MUC17: variants seen among roughly 807,000 people sequenced by gnomAD.
MUC17 encodes mucin-17.
MUC17 carries 190 observed loss-of-function variants against 170.3 expected under a neutral mutation model. That is an observed-to-expected ratio of 1.12 (90% CI 0.99 to 1.26). The LOEUF (loss-of-function observed/expected upper bound fraction) is 1.26. Among genes scored for constraint, MUC17 ranks in the 50% most tolerant of loss-of-function variants. MUC17 has a pLI of 0.00. For missense variants in MUC17, 6,415 were observed against 5,530.0 expected, an observed-to-expected ratio of 1.16 and a Z score of -5.08; for synonymous variants, 2,325 against 2,002.5, an observed-to-expected ratio of 1.16 and a Z score of -4.30.
chr7:101,036,816 C>T lies in MUC17; in HGVS notation c.5400C>T (p.Thr1800=), dbSNP rs1172233197. The T allele has an allele frequency of 6.2e-6, 10 of 1,605,516 alleles. No homozygotes were observed. The East Asian group carries it at 9.0e-5, about 14-fold the overall frequency. ...PTTAEGTSIP[T]STLSEGMTPL... ...CTGCTGAAGGTACCAGCATACCAACCTCGACTCTTAGTGAAGGAATGACTC... is the reference window on the plus strand; with the variant it reads ...CTGCTGAAGGTACCAGCATACCAACTTCGACTCTTAGTGAAGGAATGACTC... The change falls in exon 3 of 13, where the codon ACC becomes ACT. Residue 1800 remains threonine, a synonymous_variant. Transcript: ENST00000306151.
At position 101,058,293 on chromosome 7, in the gene MUC17, C is replaced by T. The variant is rs1389806079; in HGVS notation, c.*249C>T. ...GGCTTTCCTGCTCATTTTTCAAAGA[C>T]GCTCCAGATTTGAGGGTACTCTGAC... On this transcript the variant is annotated 3_prime_UTR_variant, in exon 13 of 13. Transcript: ENST00000306151. 3.1e-5 allele frequency: 11 copies of T among 352,420 alleles called. No homozygotes were observed. The highest frequency in any genetic ancestry group is 1.5e-4 in the South Asian group (2 of 12,940). 21.8% of individuals were successfully genotyped at this position (352,420 alleles called of 1,614,324 possible).
chr7:101,039,510 T>C lies in MUC17; in HGVS notation c.8094T>C (p.Leu2698=), dbSNP rs767894004. The change falls in exon 3 of 13, where the codon CTT becomes CTC. Residue 2698 remains leucine, a synonymous_variant. Coordinates refer to ENST00000306151, the MANE Select transcript of MUC17 (RefSeq NM_001040105.2). ...GAAGCACTCCATTAACAAATATACT[T>C]GTCAGCACCACGCTGTTGGCCAATT... is the stretch of plus-strand genomic sequence containing the variant. ...GERSTPLTNI[L]VSTTLLANSE... 40 of 1,610,596 alleles carry C rather than the reference T, an allele frequency of 2.5e-5. No individual in the cohort carries two copies. Among genetic ancestry groups the C allele is most frequent in the Non-Finnish European group, 3.1e-5 (36 of 1,178,528 alleles).
rs1562806956 is a variant in MUC17, at chr7:101,034,691, C to T, written c.3275C>T (p.Pro1092Leu). 2 of 1,606,826 alleles carry T rather than the reference C, an allele frequency of 1.2e-6. No homozygotes were observed. Among genetic ancestry groups the T allele is most frequent in the Admixed American group, 1.7e-5 (1 of 59,522 alleles). The change falls in exon 3 of 13, where the codon CCA becomes CTA. Residue 1092 changes from proline (P) to leucine (L), a missense_variant. Transcript: ENST00000306151. ...ACAACTGCTGACGGTACCAGCATGCCAACCTCAACTTATAGTGAAGGAAGC... is the reference window on the plus strand; with the variant it reads ...ACAACTGCTGACGGTACCAGCATGCTAACCTCAACTTATAGTGAAGGAAGC... Reference protein sequence around the residue: ...SSTTADGTSMPTSTYSEGSTP... With the variant: ...SSTTADGTSMLTSTYSEGSTP...
In MUC17 at chr7:101,040,659, T is replaced by C. The variant is rs752643393; in HGVS notation, c.9243T>C (p.Thr3081=). ...VDSNSPVVTS[T]EVSSSPTPAE... ...CCAACAGTCCTGTGGTCACTTCTAC[T>C]GAAGTCAGTTCATCTCCTACACCTG... is the stretch of plus-strand genomic sequence containing the variant. The change falls in exon 3 of 13, where the codon ACT becomes ACC. Residue 3081 remains threonine, a synonymous_variant. Transcript: ENST00000306151. 6.2e-7 allele frequency: 1 copy of C among 1,612,852 alleles called. No homozygotes were observed. The highest frequency in any genetic ancestry group is 8.5e-7 in the Non-Finnish European group (1 of 1,179,452).
At position 101,020,218 on chromosome 7, in the gene MUC17, G is replaced by A. The variant is rs1397440662; in HGVS notation, c.82+1G>A. 6.2e-7 allele frequency: 1 copy of A among 1,607,838 alleles called. No individual in the cohort carries two copies. The highest frequency in any genetic ancestry group is 1.7e-5 in the Admixed American group (1 of 59,262). ...CCCCCACAAGCTGCTGCAGAACAGGGTGAGTGACCCCCACGCCCCGCTGCC... is the reference window on the plus strand; with the variant it reads ...CCCCCACAAGCTGCTGCAGAACAGGATGAGTGACCCCCACGCCCCGCTGCC... On this transcript the variant is annotated splice_donor_variant, in intron 1 of 12. Coordinates refer to ENST00000306151, the MANE Select transcript of MUC17 (RefSeq NM_001040105.2). LOFTEE classifies it high-confidence loss of function.
chr7:101,022,221 C>T (rs1468726295), intron 1 of MUC17, among the ~76,000 whole-genome samples: 1 of 144,892 alleles, frequency 6.9e-6, no homozygotes. Context: ...GGCTGGAGTG[C>T]GGTGGCGCCA....
At chr7:101,057,123 C>T (rs1795059482) in intron 12 of MUC17, among the ~76,000 whole-genome samples, 1 of 152,090 alleles carries the variant, frequency 6.6e-6, no homozygotes, top group South Asian at 2.1e-4. Context: ...TCAGATTAAA[C>T]ATTTTTGTTA....
Position 101,043,771 on chromosome 7 carries a change from A to G in MUC17, c.12355A>G (p.Ile4119Val), listed in dbSNP as rs757189549. ...CACCGCTGTCCCCACGAATACTACA[A>G]TTAAGAGCAACCCCACCTCAACTCC... ...TTTAVPTNTTIKSNPTSTPTV... is the reference protein window; with the variant it reads ...TTTAVPTNTTVKSNPTSTPTV... Residue 4119 changes from isoleucine (I) to valine (V), a missense_variant, in exon 3 of 13, where the codon ATT (isoleucine) becomes GTT (valine). Physicochemically the swap from Ile to Val is conservative, Grantham distance 29 (BLOSUM62 3). Coordinates refer to ENST00000306151, the MANE Select transcript of MUC17 (RefSeq NM_001040105.2). 15 of 1,613,112 alleles carry G rather than the reference A, an allele frequency of 9.3e-6. No individual in the cohort carries two copies. The highest frequency in any genetic ancestry group is 6.7e-5 in the Admixed American group (4 of 59,942).
rs747913781 is a variant in MUC17 at position 101,043,598 on chromosome 7, C to A, written c.12182C>A (p.Thr4061Asn). The A allele has an allele frequency of 1.9e-6, 3 of 1,614,072 alleles. No homozygotes were observed. In the South Asian group the frequency reaches 3.3e-5, roughly 18 times the overall value. The part of the protein sequence containing the change: ...SSRPSTITSH[T>N]IPPTFPPAHS... ...AGGCCGTCAACAATTACTTCTCACA[C>A]CATCCCACCTACATTTCCTCCTGCT... Residue 4061 changes from threonine (T) to asparagine (N), a missense_variant, in exon 3 of 13, where the codon ACC becomes AAC. Physicochemically the swap from Thr to Asn is moderately conservative, Grantham distance 65. Coordinates refer to ENST00000306151, the MANE Select transcript of MUC17 (RefSeq NM_001040105.2).
Position 101,037,687 on chromosome 7 carries a change from A to C in MUC17, c.6271A>C (p.Ser2091Arg), listed in dbSNP as rs368362181. The change falls in exon 3 of 13, where the codon AGC becomes CGC. Residue 2091 changes from serine (S) to arginine (R), a missense_variant. By Grantham distance (110) the Ser-to-Arg change is moderately radical. Coordinates refer to ENST00000306151, the MANE Select transcript of MUC17 (RefSeq NM_001040105.2). Reference sequence around the variant, plus strand: ...TTCATCTGCAACCGCTGAAGGTAGCAGCATGACAATCTCAGCTCCTAGTGA... The same window carrying C: ...TTCATCTGCAACCGCTGAAGGTAGCCGCATGACAATCTCAGCTCCTAGTGA... ...ASSSATAEGS[S>R]MTISAPSEGS... The C allele has an allele frequency of 6.2e-7, 1 of 1,613,336 alleles. No individual in the cohort carries two copies. Among genetic ancestry groups the C allele is most frequent in the African/African-American group, 1.3e-5 (1 of 74,802 alleles).
rs1179576813 is a variant in MUC17 at position 101,038,398 on chromosome 7, A to T, written c.6982A>T (p.Met2328Leu). 34 of 1,613,992 alleles carry T rather than the reference A, an allele frequency of 2.1e-5. 1 individual carries two copies. Among genetic ancestry groups the T allele is most frequent in the African/African-American group, 1.7e-4 (13 of 74,900 alleles). ...SPPPTAEGTS[M>L]PTSTSSEGNT... ...TCCTCCCACTGCTGAAGGTACCAGC[A>T]TGCCAACCTCAACTTCTAGTGAAGG... The change falls in exon 3 of 13, where the codon ATG becomes TTG. Residue 2328 changes from methionine to leucine, a missense_variant. Coordinates refer to ENST00000306151, the MANE Select transcript of MUC17 (RefSeq NM_001040105.2).
rs769115735 is a variant in MUC17 at position 101,038,516 on chromosome 7, C to T, written c.7100C>T (p.Thr2367Ile). 11 of 1,605,188 alleles carry T rather than the reference C, an allele frequency of 6.9e-6. No homozygotes were observed. In the South Asian group the frequency reaches 1.1e-4, roughly 16 times the overall value. The change falls in exon 3 of 13, where the codon ACA (threonine) becomes ATA (isoleucine). Residue 2367 changes from threonine to isoleucine, a missense_variant. Physicochemically the swap from Thr to Ile is moderately conservative, Grantham distance 89. Coordinates refer to ENST00000306151, the MANE Select transcript of MUC17 (RefSeq NM_001040105.2). ...TCTACAACTCCTGCTGACACCAGCA[C>T]ACCTGTGACTACTTATTCTCAAGCC... ...TLSTTPADTS[T>I]PVTTYSQAGS...
chr7:101,031,209 C>T lies in MUC17; in HGVS notation c.172C>T (p.His58Tyr), dbSNP rs1251521311. The T allele has an allele frequency of 1.9e-6, 3 of 1,612,804 alleles. No individual in the cohort carries two copies. Among genetic ancestry groups the T allele is most frequent in the African/African-American group, 1.3e-5 (1 of 75,004 alleles). Residue 58 changes from histidine (H) to tyrosine (Y), a missense_variant, in exon 2 of 13, where the codon CAC (histidine) becomes TAC (tyrosine). His to Tyr is a moderately conservative substitution (Grantham distance 83). Transcript: ENST00000306151. ...LNRQCQQLSQ[H>Y]VRTGSAANTA... The stretch of plus-strand genomic sequence containing the variant: ...CCGTCAGTGCCAGCAGCTGTCTCAG[C>T]ACGTTAGGACAGGTAAGGCAACAGA...
In MUC17 at chr7:101,039,497, TA is replaced by T; in HGVS notation, c.8083del (p.Thr2695GlnfsTer59). The T allele has an allele frequency of 6.2e-7, 1 of 1,610,370 alleles. No homozygotes were observed. The highest frequency in any genetic ancestry group is 8.5e-7 in the Non-Finnish European group (1 of 1,178,460). On this transcript the variant is annotated frameshift_variant, in exon 3 of 13. Coordinates refer to ENST00000306151, the MANE Select transcript of MUC17 (RefSeq NM_001040105.2). LOFTEE classifies it high-confidence loss of function. ...TSTPGERSTP[L>X]TNILVSTTLL... ...ACTCCTGGTGAAAGAAGCACTCCAT[TA>T]ACAAATATACTTGTCAGCACCACGC... is the stretch of plus-strand genomic sequence containing the variant.
At position 101,058,014 on chromosome 7, in the gene MUC17, GAGGCCTC is replaced by G; in HGVS notation, c.13456_13462del (p.Pro4486Ter). On this transcript the variant is annotated frameshift_variant, in exon 13 of 13. Transcript: ENST00000306151. LOFTEE classifies it high-confidence loss of function. ...ATCTCTCTTTTCAGATCCGAATTCA[GAGGCCTC>G]AGGTAATGACGACATCATTTTAAGG... is the stretch of plus-strand genomic sequence containing the variant. 1 of 1,613,814 alleles carries G rather than the reference GAGGCCTC, an allele frequency of 6.2e-7. No individual in the cohort carries two copies. Among genetic ancestry groups the G allele is most frequent in the Non-Finnish European group, 8.5e-7 (1 of 1,179,826 alleles).
Position 101,038,102 on chromosome 7 carries a change from C to A in MUC17, c.6686C>A (p.Thr2229Asn). ...STPFTSMPVSTMPVVTSEAST... is the reference protein window; with the variant it reads ...STPFTSMPVSNMPVVTSEAST... ...CCATTCACAAGTATGCCTGTCAGCA[C>A]CATGCCGGTAGTTACTTCTGAGGCT... The change falls in exon 3 of 13, where the codon ACC becomes AAC. Residue 2229 changes from threonine (T) to asparagine (N), a missense_variant. Coordinates refer to ENST00000306151, the MANE Select transcript of MUC17 (RefSeq NM_001040105.2). 1.4e-6 allele frequency: 2 copies of A among 1,405,900 alleles called. No individual in the cohort carries two copies. Among genetic ancestry groups the A allele is most frequent in the Non-Finnish European group, 1.9e-6 (2 of 1,050,186 alleles). 87.1% of individuals were successfully genotyped at this position (1,405,900 alleles called of 1,614,324 possible). A position where few individuals can be genotyped will look rare whatever the true frequency, so the allele number is the denominator to read the frequency against.
chr7:101,023,643 T>C (rs184259651), intron 1 of MUC17, among the ~76,000 whole-genome samples: 2 of 152,200 alleles, frequency 1.3e-5, no homozygotes, highest in South Asian at 4.1e-4. Context: ...TGACCTCAAC[T>C]GATTTGTCCA....
At chr7:101,029,342 C>A (rs143733305) in intron 1 of MUC17, among the ~76,000 whole-genome samples, 4 of 151,788 alleles carry the variant, frequency 2.6e-5, no homozygotes, top group African/African-American at 4.8e-5. Flanking sequence ...GGCAACAGAG[C>A]GAGGCTCTGT....
At position 101,043,498 on chromosome 7, in the gene MUC17, C is replaced by G. The variant is rs2116460435; in HGVS notation, c.12082C>G (p.Leu4028Val). The G allele has an allele frequency of 6.2e-7, 1 of 1,614,234 alleles. No individual in the cohort carries two copies. Among genetic ancestry groups the G allele is most frequent in the Non-Finnish European group, 8.5e-7 (1 of 1,180,042 alleles). Residue 4028 changes from leucine to valine, a missense_variant, in exon 3 of 13, where the codon CTT becomes GTT. Physicochemically the swap from Leu to Val is conservative, Grantham distance 32 (BLOSUM62 1). Transcript: ENST00000306151. ...AGGCTGCACTACTTCTGCATCAACGCTTTCTGCAACCAGTACACCTCACAC... is the reference window on the plus strand; with the variant it reads ...AGGCTGCACTACTTCTGCATCAACGGTTTCTGCAACCAGTACACCTCACAC... ...SRGCTTSAST[L>V]SATSTPHTST...
Sources: gnomAD v4.1 joint callset for allele counts (sites outside exome capture counted in the v4.1 genomes callset) on GRCh38, gnomAD v4.1.1 for gene constraint, MANE v1.5 for transcripts, NCBI Gene and HGNC (gene_info 2026-07-23, HGNC 2026-07-21) for gene names.